The following CHRM3 variants were observed in gnomAD, a reference collection of about 807,000 sequenced individuals.
The protein encoded by CHRM3 is muscarinic acetylcholine receptor M3.
In CHRM3, 11 loss-of-function variants were observed where a neutral mutation model predicts 41.8. The observed-to-expected ratio is 0.26, with a 90% CI of 0.17 to 0.44. CHRM3 has a LOEUF of 0.44. Ranked by LOEUF, CHRM3 falls within the 20% of genes least tolerant of loss-of-function variation. The pLI, the probability that CHRM3 is intolerant of heterozygous loss-of-function variation, is 1.00. For missense variants in CHRM3, 571 were observed against 745.4 expected (o/e 0.77, Z 2.72); for synonymous variants, 297 against 301.4 (o/e 0.99, Z 0.15).
intron 6 of CHRM3, among the ~76,000 whole-genome samples, chr1:239,872,948 T>TC (rs1384700372): frequency 6.6e-6 from 1 of 151,932 alleles, no homozygotes; most frequent in East Asian, 1.9e-4. Flanking sequence ...ATTTTTTTTT[T>TC]CTTCCTAAAT....
At chr1:239,784,730 T>C (rs1283363375) in intron 5 of CHRM3, among the ~76,000 whole-genome samples, 3 of 152,198 alleles carry the variant, frequency 2.0e-5, no homozygotes, top group African/African-American at 7.2e-5. Flanking sequence ...TTATTCCTAA[T>C]GGTTTTTTGT....
intron 5 of CHRM3, among the ~76,000 whole-genome samples, chr1:239,743,359 T>C (rs1245993351): frequency 6.6e-6 from 1 of 152,198 alleles, no homozygotes; most frequent in Non-Finnish European, 1.5e-5. Flanking sequence ...GAATTTTAAT[T>C]CCCAATGTCT....
chr1:239,639,156 G>C (rs1238272761), intron 4 of CHRM3, among the ~76,000 whole-genome samples: 2 of 151,992 alleles, frequency 1.3e-5, no homozygotes, highest in Admixed American at 1.3e-4. Flanking sequence ...ATGCTGTTTT[G>C]GTTACTGTAG....
At chr1:239,592,696 A>G (rs534470818) in intron 3 of CHRM3, among the ~76,000 whole-genome samples, 19 of 152,308 alleles carry the variant, frequency 1.2e-4, no homozygotes, top group African/African-American at 4.6e-4. Context: ...ATGAAATACC[A>G]CATAATATAC....
intron 3 of CHRM3, among the ~76,000 whole-genome samples, chr1:239,628,500 G>A (rs1387290187): frequency 1.7e-5 from 1 of 59,830 alleles, no homozygotes; most frequent in Admixed American, 1.5e-4. Context: ...TCTTCTCTCA[G>A]CTCGTCAAAA....
At chr1:239,832,845 G>A (rs571745772) in intron 6 of CHRM3, among the ~76,000 whole-genome samples, 22 of 152,256 alleles carry the variant, frequency 1.4e-4, no homozygotes, top group African/African-American at 5.1e-4. Context: ...GAATGCTTCT[G>A]TTCTCAAGAT....
chr1:239,565,995 G>T (rs1661331205), intron 3 of CHRM3, among the ~76,000 whole-genome samples: 4 of 145,996 alleles, frequency 2.7e-5, no homozygotes, highest in Admixed American at 7.1e-5. Context: ...GCTCACTGCA[G>T]CCTTGAGCTT....
At chr1:239,812,295 C>T (rs1027332835) in intron 5 of CHRM3, among the ~76,000 whole-genome samples, 11 of 152,224 alleles carry the variant, frequency 7.2e-5, no homozygotes, top group Admixed American at 7.2e-4. Flanking sequence ...TGGCCTTGGC[C>T]TCCCAAAGTA....
At chr1:239,490,871 G>T (rs966035034) in intron 1 of CHRM3, among the ~76,000 whole-genome samples, 1 of 152,106 alleles carries the variant, frequency 6.6e-6, no homozygotes. Flanking sequence ...CTCCCAGGTA[G>T]CTGGGACTAC....
intron 6 of CHRM3, among the ~76,000 whole-genome samples, chr1:239,828,341 C>CAT (rs200325893): frequency 3.3e-5 from 5 of 151,882 alleles, no homozygotes; most frequent in South Asian, 2.1e-4. Context: ...GATATATACA[C>CAT]ATATATATAT....
intron 5 of CHRM3, among the ~76,000 whole-genome samples, chr1:239,814,493 G>A (rs558873220): frequency 1.1e-4 from 16 of 152,276 alleles, no homozygotes; most frequent in African/African-American, 3.8e-4. Context: ...CTCACCACGG[G>A]AGGAAATGCA....
At chr1:239,867,898 G>C (rs1676251846) in intron 6 of CHRM3, among the ~76,000 whole-genome samples, 1 of 152,122 alleles carries the variant, frequency 6.6e-6, no homozygotes, top group Non-Finnish European at 1.5e-5. Context: ...GTCCCCGGAA[G>C]TGACAGGCAC....
chr1:239,742,157 TA>T (rs1664914847), intron 5 of CHRM3, among the ~76,000 whole-genome samples: 1 of 152,144 alleles, frequency 6.6e-6, no homozygotes, highest in Non-Finnish European at 1.5e-5. Flanking sequence ...AATTTTATAA[TA>T]AAAGGACATA....
intron 4 of CHRM3, among the ~76,000 whole-genome samples, chr1:239,642,360 T>A (rs971375627): frequency 7.2e-5 from 11 of 152,016 alleles, no homozygotes; most frequent in Admixed American, 3.3e-4. Flanking sequence ...CGGCAGAGTG[T>A]TTTCCAACTT....
chr1:239,909,101 A>G lies in CHRM3; in HGVS notation c.1650A>G (p.Thr550=). ...NPVCYALCNK[T]FRTTFKMLLL... is the part of the protein sequence containing the mutation. ...TGTGCTATGCTCTGTGCAACAAAAC[A>G]TTCAGAACCACTTTCAAGATGCTGC... Residue 550 remains threonine, a synonymous_variant, in exon 7 of 7, where the codon ACA becomes ACG. Transcript: ENST00000676153. 6.2e-7 allele frequency: 1 copy of G among 1,614,150 alleles called. No homozygotes were observed. Among genetic ancestry groups the G allele is most frequent in the Non-Finnish European group, 8.5e-7 (1 of 1,180,030 alleles).
intron 2 of CHRM3, among the ~76,000 whole-genome samples, chr1:239,501,389 C>G (rs933218007): frequency 6.6e-6 from 1 of 152,144 alleles, no homozygotes; most frequent in South Asian, 2.1e-4. Context: ...TAAAACTAGC[C>G]TCAATAAATC....
chr1:239,443,379 G>T (rs886361350), intron 1 of CHRM3, among the ~76,000 whole-genome samples: 1 of 151,558 alleles, frequency 6.6e-6, no homozygotes, highest in African/African-American at 2.4e-5. Context: ...GCTTCTCTTT[G>T]TAATGTCACG....
chr1:239,519,915 T>C (rs1337350114), intron 2 of CHRM3, among the ~76,000 whole-genome samples: 1 of 151,870 alleles, frequency 6.6e-6, no homozygotes, highest in Non-Finnish European at 1.5e-5. Flanking sequence ...ACCCCGCTAA[T>C]TTTTTGTATT....
intron 4 of CHRM3, among the ~76,000 whole-genome samples, chr1:239,663,639 C>T (rs1673484170): frequency 6.6e-6 from 1 of 152,186 alleles, no homozygotes; most frequent in African/African-American, 2.4e-5. Flanking sequence ...ATAAGTTAGG[C>T]TTAAATCTGA....
Sources: allele counts gnomAD v4.1 joint callset (sites outside exome capture counted in the v4.1 genomes callset), GRCh38; gene constraint gnomAD v4.1.1; transcripts MANE v1.5; gene names NCBI Gene and HGNC (gene_info 2026-07-23, HGNC 2026-07-21).